Variants in CEP83 observed in about 807,000 individuals in gnomAD.
The protein encoded by CEP83 is centrosomal protein 83, also known as centrosomal protein of 83 kDa.
In CEP83, 70 loss-of-function variants were observed where a neutral mutation model predicts 101.9. That is an observed-to-expected ratio of 0.69 (90% confidence interval 0.57 to 0.84). CEP83 has a LOEUF of 0.84. Ranked by LOEUF, CEP83 falls within the 40% of genes least tolerant of loss-of-function variation. CEP83 has a pLI of 0.00. For missense variants in CEP83, 715 were observed against 787.2 expected (o/e 0.91, Z 1.10); for synonymous variants, 264 against 267.9 (o/e 0.99, Z 0.14).
intron 1 of CEP83, among the ~76,000 whole-genome samples, chr12:94,452,873 A>T (rs2067362081): frequency 6.6e-6 from 1 of 152,154 alleles, no homozygotes; most frequent in Non-Finnish European, 1.5e-5. Flanking sequence ...AAAATTAAGT[A>T]ACTGGTTCAA....
intron 11 of CEP83, among the ~76,000 whole-genome samples, chr12:94,339,003 T>C (rs906999277): frequency 6.6e-6 from 1 of 151,892 alleles, no homozygotes; most frequent in African/African-American, 2.4e-5. Context: ...TCACTCTTGT[T>C]GCCCAGGCTG....
At chr12:94,417,849 A>T (rs1240255018) in intron 2 of CEP83, among the ~76,000 whole-genome samples, 1 of 152,216 alleles carries the variant, frequency 6.6e-6, no homozygotes. Context: ...TGATCATATC[A>T]AGAATGAAGA....
chr12:94,427,275 T>A (rs1434135298), intron 2 of CEP83, among the ~76,000 whole-genome samples: 1 of 152,206 alleles, frequency 6.6e-6, no homozygotes, highest in South Asian at 2.1e-4. Flanking sequence ...ATATTGAAAA[T>A]TTTTTAAAGT....
intron 2 of CEP83, among the ~76,000 whole-genome samples, chr12:94,427,858 CAGCCTTTGGAT>C (rs1327359302): frequency 6.6e-6 from 1 of 152,146 alleles, no homozygotes; most frequent in Non-Finnish European, 1.5e-5. Flanking sequence ...GTCACCCAAA[CAGCCTTTGGAT>C]AGCCATCCAG....
intron 11 of CEP83, among the ~76,000 whole-genome samples, chr12:94,345,386 T>C (rs1593290355): frequency 6.6e-6 from 1 of 152,326 alleles, no homozygotes; most frequent in East Asian, 1.9e-4. Flanking sequence ...AAACAATACA[T>C]GTATCTTTGT....
chr12:94,449,688 G>A lies in CEP83; in HGVS notation c.-155+9869C>T, dbSNP rs889297003. ...CTTGGGAGGCGGAAGCCGGAGAATC[G>A]CATGAGCCCAGGAGTTTGAGGCTGC... On this transcript the variant is annotated intron_variant, in intron 1 of 16. Coordinates refer to ENST00000397809, the MANE Select transcript of CEP83 (RefSeq NM_016122.3). Among the ~76,000 whole-genome samples, 10 of 144,444 alleles carry A rather than the reference G, an allele frequency of 6.9e-5. No individual in the cohort carries two copies. In the East Asian group the frequency reaches 1.0e-3, roughly 15 times the overall value. The allele number at this position is 144,444 out of a possible 152,430, so 94.8% of individuals were successfully genotyped here. A position where few individuals can be genotyped will look rare whatever the true frequency, so the allele number is the denominator to read the frequency against.
chr12:94,333,588 C>T lies in CEP83; in HGVS notation c.1471G>A (p.Asp491Asn). ...AGCATTTGGTTTGAATTCAGCAAGT[C>T]ATTCTCTGACTGTGCAAGTGAAGTC... The part of the protein sequence containing the change: ...QVTSLAQSEN[D>N]LLNSNQMLKE... Residue 491 changes from aspartate (D) to asparagine (N), a missense_variant, in exon 13 of 17, where the codon GAC becomes AAC. Coordinates refer to ENST00000397809, the MANE Select transcript of CEP83 (RefSeq NM_016122.3). The T allele has an allele frequency of 6.2e-7, 1 of 1,613,738 alleles. No individual in the cohort carries two copies. Among genetic ancestry groups the T allele is most frequent in the Non-Finnish European group, 8.5e-7 (1 of 1,179,768 alleles).
chr12:94,337,262 G>C (rs1403973518), intron 11 of CEP83, among the ~76,000 whole-genome samples: 2 of 152,140 alleles, frequency 1.3e-5, no homozygotes, highest in Non-Finnish European at 2.9e-5. Context: ...AAATATGAAA[G>C]GATGGGGAAA....
intron 11 of CEP83, among the ~76,000 whole-genome samples, chr12:94,357,910 C>T (rs139572402): frequency 9.0e-4 from 137 of 152,098 alleles, no homozygotes; most frequent in African/African-American, 3.2e-3. Context: ...TGAAATTAAA[C>T]GAACAGGAGG....
chr12:94,394,059 T>TTA (rs2062732803), intron 6 of CEP83, among the ~76,000 whole-genome samples: 1 of 151,748 alleles, frequency 6.6e-6, no homozygotes, highest in South Asian at 2.1e-4. Context: ...CCAAGGTAAT[T>TTA]TAGATTCAAT....
At chr12:94,297,485 T>A in the CEP83 span, 2 of 1,111,178 alleles carry the variant, frequency 1.8e-6, no homozygotes, top group Non-Finnish European at 2.7e-6. Flanking sequence ...ATGTTTGACT[T>A]AATTTCCACT....
chr12:94,337,855 A>T (rs1264119711), intron 11 of CEP83, among the ~76,000 whole-genome samples: 1 of 152,184 alleles, frequency 6.6e-6, no homozygotes, highest in Admixed American at 6.5e-5. Context: ...CATTTTCAAA[A>T]TAGAAAGGGA....
intron 1 of CEP83, among the ~76,000 whole-genome samples, chr12:94,441,483 T>A (rs934666753): frequency 6.6e-6 from 1 of 152,176 alleles, no homozygotes; most frequent in African/African-American, 2.4e-5. Flanking sequence ...ACCTTACTCC[T>A]GCAAGAATGG....
Position 94,354,656 on chromosome 12 carries a change from C to A in CEP83, c.1343+13138G>T, listed in dbSNP as rs189729236. Among the ~76,000 whole-genome samples, 19 of 152,146 alleles carry A rather than the reference C, an allele frequency of 1.2e-4. No homozygotes were observed. In the East Asian group the frequency reaches 3.3e-3, roughly 26 times the overall value. On this transcript the variant is annotated intron_variant, in intron 11 of 16. Transcript: ENST00000397809. ...AACAAGAAGAACTCTGAAAGGTGTA[C>A]AAATACATGAAAATTAAATAACATG...
At chr12:94,340,365 G>C (rs537327686) in intron 11 of CEP83, among the ~76,000 whole-genome samples, 2 of 151,986 alleles carry the variant, frequency 1.3e-5, no homozygotes, top group African/African-American at 2.4e-5. Flanking sequence ...CTGAGCCAGA[G>C]TGCCTGATAC....
intron 11 of CEP83, among the ~76,000 whole-genome samples, chr12:94,359,795 C>G (rs2060655144): frequency 6.6e-6 from 1 of 152,130 alleles, no homozygotes; most frequent in African/African-American, 2.4e-5. Context: ...CAGCATTACC[C>G]TGACACCAAA....
At chr12:94,269,455 T>C in the CEP83 span, among the ~76,000 whole-genome samples, 1 of 152,242 alleles carries the variant, frequency 6.6e-6, no homozygotes, top group Non-Finnish European at 1.5e-5. Context: ...ATATCTCATA[T>C]ACAACAGAGC....
chr12:94,298,616 G>A, the CEP83 span: 1 of 1,569,494 alleles, frequency 6.4e-7, no homozygotes, highest in African/African-American at 1.4e-5. Context: ...CAAATCTGAT[G>A]TTGTCTATCT....
At chr12:94,351,706 A>G (rs983537115) in intron 11 of CEP83, among the ~76,000 whole-genome samples, 7 of 152,158 alleles carry the variant, frequency 4.6e-5, no homozygotes, top group Non-Finnish European at 7.4e-5. Context: ...ATAACTGGTG[A>G]AGCAGAAATG....
Sources: gnomAD v4.1 joint callset for allele counts (sites outside exome capture counted in the v4.1 genomes callset) on GRCh38, gnomAD v4.1.1 for gene constraint, MANE v1.5 for transcripts, NCBI Gene and HGNC (gene_info 2026-07-23, HGNC 2026-07-21) for gene names.